Variants in LCK observed in about 807,000 individuals in gnomAD.
LCK encodes the protein LCK proto-oncogene, Src family tyrosine kinase.
Under a neutral mutation model 64.6 loss-of-function variants are expected in LCK, and 14 were observed. The ratio of observed to expected loss-of-function variants is 0.22; its 90% confidence interval spans 0.14 to 0.34. LCK has a LOEUF of 0.34. Among genes scored for constraint, LCK ranks in the 10% least tolerant of loss-of-function variants. The probability of loss-of-function intolerance (pLI) is 1.00; values close to 1 mark genes in which losing one functional copy is unlikely to be tolerated. For missense variants in LCK, 434 were observed against 668.1 expected (o/e 0.65, Z 3.86); for synonymous variants, 277 against 263.6 (o/e 1.05, Z -0.49).
At chr1:32,280,414 C>G (rs1569969204) in intron 12 of LCK, among the ~76,000 whole-genome samples, 1 of 147,528 alleles carries the variant, frequency 6.8e-6, no homozygotes, top group South Asian at 2.2e-4. Context: ...ATAACCCCAG[C>G]TCTTTTCTTT....
At chr1:32,283,721 C>T (rs1488604675) in intron 12 of LCK, among the ~76,000 whole-genome samples, 2 of 152,010 alleles carry the variant, frequency 1.3e-5, no homozygotes, top group African/African-American at 4.8e-5. Context: ...TTTGCTAGGC[C>T]CAGGGTCCAT....
intron 1 of LCK, among the ~76,000 whole-genome samples, chr1:32,261,194 T>A (rs1199469858): frequency 6.6e-6 from 1 of 151,378 alleles, no homozygotes; most frequent in Non-Finnish European, 1.5e-5. Flanking sequence ...GCCTCCTGGG[T>A]AGCTAGGACT....
At chr1:32,267,867 C>A (rs1324068308) in intron 1 of LCK, among the ~76,000 whole-genome samples, 3 of 150,806 alleles carry the variant, frequency 2.0e-5, no homozygotes, top group Non-Finnish European at 4.4e-5. Flanking sequence ...GCACTCCAGC[C>A]TGGGCAACAA....
At chr1:32,285,422 T>C in intron 12 of LCK, 92 bp from the exon 13 acceptor site, 1 of 1,134,558 alleles carries the variant, frequency 8.8e-7, no homozygotes, top group Non-Finnish European at 1.3e-6. Context: ...GGATTGGTGC[T>C]CACACTGTGC....
At chr1:32,280,239 G>A in intron 12 of LCK, 29 bp downstream of exon 12, 1 of 1,612,920 alleles carries the variant, frequency 6.2e-7, no homozygotes, top group Non-Finnish European at 8.5e-7. Flanking sequence ...AACTGAAAGG[G>A]TGATGGGAAG....
At chr1:32,262,747 A>G (rs1056650889) in intron 1 of LCK, among the ~76,000 whole-genome samples, 1 of 151,810 alleles carries the variant, frequency 6.6e-6, no homozygotes, top group African/African-American at 2.4e-5. Flanking sequence ...AGTTTGATAA[A>G]GATTGCTGAG....
chr1:32,274,014 G>T, intron 1 of LCK: 1 of 418,804 alleles, frequency 2.4e-6, no homozygotes, highest in Non-Finnish European at 4.4e-6. Context: ...GGAGAGGGAG[G>T]GGGCAGAGGC....
chr1:32,279,126 T>G (rs1334091430), intron 9 of LCK, among the ~76,000 whole-genome samples: 1 of 152,094 alleles, frequency 6.6e-6, no homozygotes, highest in African/African-American at 2.4e-5. Context: ...GAAACCAGAG[T>G]TTGTGCCATG....
intron 9 of LCK, among the ~76,000 whole-genome samples, chr1:32,278,709 T>C (rs1390832727): frequency 6.6e-6 from 1 of 152,198 alleles, no homozygotes; most frequent in Non-Finnish European, 1.5e-5. Flanking sequence ...TCATTGGAAG[T>C]GAGTGCCAGG....
rs562561880 is a variant in LCK, at chr1:32,271,856, A to G, written c.-5-2469A>G. On this transcript the variant is annotated intron_variant, in intron 1 of 12. Transcript: ENST00000336890. ...ATGAACCCCCACTCTCATCAAAGGT[A>G]TGGGAGAGGCAGTGGGACCCTGGGG... Among the ~76,000 whole-genome samples the G allele has an allele frequency of 3.3e-5, 5 of 152,292 alleles. No individual in the cohort carries two copies. In the South Asian group the frequency reaches 1.0e-3, roughly 32 times the overall value.
At chr1:32,282,349 T>C (rs1640486423) in intron 12 of LCK, among the ~76,000 whole-genome samples, 1 of 152,072 alleles carries the variant, frequency 6.6e-6, no homozygotes, top group Admixed American at 6.6e-5. Flanking sequence ...TGGGGAGAAA[T>C]GGGGACCTTG....
intron 12 of LCK, among the ~76,000 whole-genome samples, chr1:32,281,930 C>T (rs1249847684): frequency 6.6e-6 from 1 of 152,072 alleles, no homozygotes; most frequent in Non-Finnish European, 1.5e-5. Flanking sequence ...ATTATCTGGG[C>T]ATGGTGGCAC....
chr1:32,276,288 T>C lies in LCK; in HGVS notation c.632-49T>C. On this transcript the variant is annotated intron_variant, in intron 7 of 12. Transcript: ENST00000336890. The surrounding 1 kb of genome is among the most constrained non-coding windows in gnomAD (Gnocchi z 4.6). ...GGAGAAGTGGGGGAGGTGGTGTCAA[T>C]ACGAGGCCTGCCCTATTGACAGCCT... The C allele has an allele frequency of 6.6e-7, 1 of 1,525,290 alleles. No individual in the cohort carries two copies. Among genetic ancestry groups the C allele is most frequent in the East Asian group, 2.3e-5 (1 of 44,142 alleles). The allele number at this position is 1,525,290 out of a possible 1,614,324, so 94.5% of individuals were successfully genotyped here.
At chr1:32,272,954 T>C (rs1161966915) in intron 1 of LCK, among the ~76,000 whole-genome samples, 1 of 136,868 alleles carries the variant, frequency 7.3e-6, no homozygotes, top group Non-Finnish European at 1.6e-5. Context: ...GGGGAGAATG[T>C]GTGTGTGTGG....
chr1:32,262,483 C>T lies in LCK; in HGVS notation c.-6+11112C>T, dbSNP rs536722719. ...TGTCACCCAGGCTTGAGTGCAATGG[C>T]GCGATCTCGGCTCACTGCAACCTCT... is the stretch of plus-strand genomic sequence containing the variant. On this transcript the variant is annotated intron_variant, in intron 1 of 12. Coordinates refer to ENST00000336890, the MANE Select transcript of LCK (RefSeq NM_005356.5). 3.7e-4 allele frequency among the ~76,000 whole-genome samples: 55 copies of T among 149,754 alleles called. No homozygotes were observed. The South Asian group carries it at 8.4e-3, about 23-fold the overall frequency.
intron 1 of LCK, among the ~76,000 whole-genome samples, chr1:32,272,352 G>C (rs1640100177): frequency 6.6e-6 from 1 of 152,086 alleles, no homozygotes. Flanking sequence ...ATTTGGGGAG[G>C]CCAAGGCAGG....
intron 12 of LCK, among the ~76,000 whole-genome samples, chr1:32,284,005 C>G (rs908378685): frequency 2.0e-5 from 3 of 151,976 alleles, no homozygotes; most frequent in Admixed American, 6.6e-5. Flanking sequence ...CTCAGTCTCT[C>G]GGGTAGCTGG....
At chr1:32,263,384 C>T (rs890108905) in intron 1 of LCK, among the ~76,000 whole-genome samples, 1 of 150,244 alleles carries the variant, frequency 6.7e-6, no homozygotes, top group East Asian at 1.9e-4. Context: ...CAGAGGAAGA[C>T]TCCGTCTCAA....
Position 32,275,911 on chromosome 1 carries a change from C to G in LCK, c.482-3C>G. On this transcript the variant is annotated splice_polypyrimidine_tract_variant and splice_region_variant and intron_variant, in intron 6 of 12. Transcript: ENST00000336890. This position sits in a 1 kb window ranked among gnomAD's most constrained non-coding sequence, Gnocchi z 6.9. ...CGCTTTGTCCATCCATTCATTCATT[C>G]AGGATCGTTTTCACTGTCGGTCCGG... 6.2e-7 allele frequency: 1 copy of G among 1,614,090 alleles called. No individual in the cohort carries two copies. The highest frequency in any genetic ancestry group is 8.5e-7 in the Non-Finnish European group (1 of 1,179,950).
Sources: gnomAD v4.1 joint callset for allele counts (sites outside exome capture counted in the v4.1 genomes callset) on GRCh38, gnomAD v4.1.1 for gene constraint, Gnocchi (gnomAD v3.1) non-coding constraint, MANE v1.5 for transcripts, NCBI Gene and HGNC (gene_info 2026-07-23, HGNC 2026-07-21) for gene names.